The following DGKZ variants were observed in gnomAD, a reference collection of about 807,000 sequenced individuals.
DGKZ encodes DAG kinase zeta.
DGKZ carries 45 observed loss-of-function variants against 142.5 expected under a neutral mutation model. That is an observed-to-expected ratio of 0.32 (90% confidence interval 0.25 to 0.40). The LOEUF (loss-of-function observed/expected upper bound fraction) is 0.40, where lower values mean the gene tolerates loss of function less well. Among genes scored for constraint, DGKZ ranks in the 10% least tolerant of loss-of-function variants. The pLI is 1.00. For synonymous variants in DGKZ, 442 were observed against 527.0 expected (o/e 0.84, Z 2.21); for missense variants, 755 against 1,306.5 (o/e 0.58, Z 6.51).
Position 46,367,967 on chromosome 11 carries a change from T to C in DGKZ, c.367-35T>C, listed in dbSNP as rs1175750958. 6.2e-7 allele frequency: 1 copy of C among 1,611,392 alleles called. No individual in the cohort carries two copies. Among genetic ancestry groups the C allele is most frequent in the Non-Finnish European group, 8.5e-7 (1 of 1,178,016 alleles). On this transcript the variant is annotated intron_variant, in intron 3 of 30. Coordinates refer to ENST00000527911, the Ensembl canonical transcript of DGKZ. The surrounding 1 kb of genome is among the most constrained non-coding windows in gnomAD (Gnocchi z 4.1). Reference sequence around the variant, plus strand: ...AGGCAGCCTCCGAGATAGACTTACCTGGTGCCTCAGGGGCCCTCTCTTCCT... The same window carrying C: ...AGGCAGCCTCCGAGATAGACTTACCCGGTGCCTCAGGGGCCCTCTCTTCCT...
chr11:46,345,370 G>A (rs542453868), upstream of DGKZ: 17 of 1,062,114 alleles, frequency 1.6e-5, no homozygotes, highest in Admixed American at 1.4e-4. This position sits in a 1 kb window ranked among gnomAD's most constrained non-coding sequence, Gnocchi z 4.1. Flanking sequence ...CCCCACCCCC[G>A]TCAGGAAGTG....
At position 46,334,599 on chromosome 11, in the gene DGKZ, G is replaced by T. The variant is rs148500368; in HGVS notation, c.212+1112G>T. On this transcript the variant is annotated intron_variant, in intron 1 of 30. Transcript: ENST00000343674. ...TGGGGGAGGAAGGGACAGAAGGGGA[G>T]GGGATTTTCCAAGAAGCAAGATGCT... Among the ~76,000 whole-genome samples, 174 of 152,304 alleles carry T rather than the reference G, an allele frequency of 1.1e-3. 4 individuals are homozygous for T. In the East Asian group the frequency reaches 0.032, roughly 28 times the overall value.
At position 46,375,422 on chromosome 11, in the gene DGKZ, G is replaced by A. The variant is rs1268337887; in HGVS notation, c.1711-10G>A. The A allele has an allele frequency of 1.3e-6, 2 of 1,563,386 alleles. No homozygotes were observed. Among genetic ancestry groups the A allele is most frequent in the Non-Finnish European group, 1.7e-6 (2 of 1,159,874 alleles). ...TGGTGCCATCTGACCCAAGCTTCCTGTGCCCACAGGCCGCGCTGCAGGTGG... is the reference window on the plus strand; with the variant it reads ...TGGTGCCATCTGACCCAAGCTTCCTATGCCCACAGGCCGCGCTGCAGGTGG... On this transcript the variant is annotated splice_polypyrimidine_tract_variant and intron_variant, in intron 19 of 30. Transcript: ENST00000527911.
intron 1 of DGKZ, among the ~76,000 whole-genome samples, chr11:46,336,012 C>T (rs966508526): frequency 3.3e-5 from 5 of 152,144 alleles, no homozygotes; most frequent in Non-Finnish European, 5.9e-5. Flanking sequence ...CCCTGCTGTG[C>T]GGAGTTGCTA....
intron 1 of DGKZ, among the ~76,000 whole-genome samples, chr11:46,361,004 G>A (rs568386505): frequency 6.6e-6 from 1 of 152,326 alleles, no homozygotes; most frequent in Admixed American, 6.5e-5. Context: ...CGGAGTTGTG[G>A]GCAGTCACGG....
intron 25 of DGKZ, 37 bp downstream of exon 25, chr11:46,377,249 T>A (rs776402993): frequency 6.5e-7 from 1 of 1,542,024 alleles, no homozygotes; most frequent in East Asian, 2.3e-5. Flanking sequence ...GCCCCTGGCT[T>A]TCAGCCCCAC....
intron 1 of DGKZ, among the ~76,000 whole-genome samples, chr11:46,357,308 G>A (rs1942142151): frequency 1.3e-5 from 2 of 151,628 alleles, no homozygotes; most frequent in African/African-American, 2.4e-5. Context: ...TCACCAAACC[G>A]ACTATCTAGT....
intron 1 of DGKZ, among the ~76,000 whole-genome samples, chr11:46,342,307 C>T (rs564620352): frequency 3.3e-4 from 51 of 152,270 alleles, no homozygotes; most frequent in African/African-American, 1.2e-3. Context: ...ACATTGACAG[C>T]GCCAAGGAGT....
At chr11:46,370,348 C>T (rs1943806182) in intron 6 of DGKZ, among the ~76,000 whole-genome samples, 1 of 152,248 alleles carries the variant, frequency 6.6e-6, no homozygotes, top group South Asian at 2.1e-4. Flanking sequence ...CGGTTTCCCA[C>T]CCTCCTGAGG....
Position 46,376,408 on chromosome 11 carries a change from T to A in DGKZ, c.2161+11T>A. On this transcript the variant is annotated intron_variant, in intron 23 of 30. Coordinates refer to ENST00000527911, the Ensembl canonical transcript of DGKZ. ...GGTGCTTCCTGGACGGTGAGTCTAC[T>A]CCCAGGGTGCCAAGCTGTTTCGTGT... The A allele has an allele frequency of 6.2e-7, 1 of 1,614,058 alleles. No homozygotes were observed. Among genetic ancestry groups the A allele is most frequent in the Non-Finnish European group, 8.5e-7 (1 of 1,179,990 alleles).
intron 1 of DGKZ, among the ~76,000 whole-genome samples, chr11:46,354,875 C>T (rs1040535411): frequency 7.9e-5 from 12 of 152,200 alleles, no homozygotes; most frequent in Admixed American, 2.6e-4. Flanking sequence ...TGAATTCTCA[C>T]GGATCCATTT....
At chr11:46,371,924 C>A in intron 9 of DGKZ, 149 bp downstream of exon 9, 1 of 1,226,364 alleles carries the variant, frequency 8.2e-7, no homozygotes, top group Non-Finnish European at 1.2e-6. Context: ...GATTAGATGC[C>A]AGTTTCTGCT....
chr11:46,354,647 C>T (rs1316183851), intron 1 of DGKZ, among the ~76,000 whole-genome samples: 1 of 152,168 alleles, frequency 6.6e-6, no homozygotes, highest in Admixed American at 6.5e-5. Context: ...GAGATGGAGG[C>T]CCCTGTGTCT....
At chr11:46,370,574 G>A (rs1410603268) in intron 6 of DGKZ, among the ~76,000 whole-genome samples, 1 of 152,160 alleles carries the variant, frequency 6.6e-6, no homozygotes, top group African/African-American at 2.4e-5. Flanking sequence ...ATAGGTACTC[G>A]GAAGCGGCAG....
rs777360004 is a variant in DGKZ at position 46,372,715 on chromosome 11, G to A, written c.1071+38G>A. 1 of 1,612,030 alleles carries A rather than the reference G, an allele frequency of 6.2e-7. No individual in the cohort carries two copies. The highest frequency in any genetic ancestry group is 1.3e-5 in the African/African-American group (1 of 74,920). ...CATGGGCCAGCCGAGCACCAGGGCT[G>A]GGCCTGAAGCCGGGGTCCCTGTGGG... On this transcript the variant is annotated intron_variant, in intron 12 of 30. Coordinates refer to ENST00000527911, the Ensembl canonical transcript of DGKZ. This position sits in a 1 kb window ranked among gnomAD's most constrained non-coding sequence, Gnocchi z 5.9.
At chr11:46,347,248 A>G (rs1233512237), upstream of DGKZ, among the ~76,000 whole-genome samples, 1 of 152,114 alleles carries the variant, frequency 6.6e-6, no homozygotes, top group Middle Eastern at 3.2e-3. The surrounding 1 kb of genome is among the most constrained non-coding windows in gnomAD (Gnocchi z 6.4). Context: ...ATTCAGTCCC[A>G]TCCAGGCGGG....
At chr11:46,377,118 A>G (rs1042428632) in exon 25 of DGKZ, 6 of 1,613,376 alleles carry the variant, frequency 3.7e-6, no homozygotes, top group Non-Finnish European at 4.2e-6. Context: ...TGAGATTTAT[A>G]TCCTGGACCC....
At chr11:46,337,990 T>C (rs1318304834) in intron 1 of DGKZ, among the ~76,000 whole-genome samples, 1 of 152,148 alleles carries the variant, frequency 6.6e-6, no homozygotes, top group Non-Finnish European at 1.5e-5. Flanking sequence ...AACAAAAGTG[T>C]GACCCCCATA....
At position 46,347,731 on chromosome 11, in the gene DGKZ, C is replaced by T. The variant is rs766826492; in HGVS notation, c.72C>T (p.Gly24=). Residue 24 remains glycine (G), a synonymous_variant, in exon 1 of 31, where the codon GGC becomes GGT. Coordinates refer to ENST00000527911, the Ensembl canonical transcript of DGKZ. The surrounding 1 kb of genome is among the most constrained non-coding windows in gnomAD (Gnocchi z 6.4). Reference sequence around the variant, plus strand: ...AGTCGGCTTCCGCCTCGTCCAGCGGCTCCGAGCGCGACGCCGGTCCCGAGC... The same window carrying T: ...AGTCGGCTTCCGCCTCGTCCAGCGGTTCCGAGCGCGACGCCGGTCCCGAGC... 1.7e-3 allele frequency: 2,404 copies of T among 1,454,800 alleles called. No individual in the cohort carries two copies. The highest frequency in any genetic ancestry group is 2.1e-3 in the Non-Finnish European group (2,279 of 1,108,042). 90.1% of individuals were successfully genotyped at this position (1,454,800 alleles called of 1,614,324 possible).
Sources: allele counts gnomAD v4.1 joint callset (sites outside exome capture counted in the v4.1 genomes callset), GRCh38; gene constraint gnomAD v4.1.1; non-coding constraint Gnocchi (gnomAD v3.1); transcripts MANE v1.5; gene names NCBI Gene and HGNC (gene_info 2026-07-23, HGNC 2026-07-21).